Variants in SOX6 observed in about 807,000 individuals in gnomAD.
SOX6 encodes SRY-box transcription factor 6, also known as transcription factor SOX-6.
SOX6 carries 11 observed loss-of-function variants against 97.8 expected under a neutral mutation model. The observed-to-expected ratio is 0.11, with a 90% CI of 0.07 to 0.19. The LOEUF (loss-of-function observed/expected upper bound fraction) is 0.19. Among genes scored for constraint, SOX6 ranks in the 10% least tolerant of loss-of-function variants. SOX6 has a pLI of 1.00. For synonymous variants in SOX6, 360 were observed against 371.4 expected, an observed-to-expected ratio of 0.97 and a Z score of 0.35; for missense variants, 810 against 1,039.5, an observed-to-expected ratio of 0.78 and a Z score of 3.04.
intron 4 of SOX6, among the ~76,000 whole-genome samples, chr11:16,512,512 C>A (rs540322578): frequency 5.4e-4 from 82 of 152,258 alleles, no homozygotes; most frequent in African/African-American, 1.9e-3. Flanking sequence ...AAGAAGCACA[C>A]ACATCTCATT....
chr11:16,602,074 C>T (rs1848277042), intron 4 of SOX6, among the ~76,000 whole-genome samples: 1 of 152,144 alleles, frequency 6.6e-6, no homozygotes, highest in Non-Finnish European at 1.5e-5. Flanking sequence ...ACTATTATAT[C>T]ATTTATATCA....
chr11:16,162,227 A>T (rs2134071324), intron 6 of SOX6, among the ~76,000 whole-genome samples: 1 of 152,322 alleles, frequency 6.6e-6, no homozygotes, highest in East Asian at 1.9e-4. Context: ...GGTTCAGAAT[A>T]TTAAGATATC....
intron 4 of SOX6, among the ~76,000 whole-genome samples, chr11:16,580,527 C>T (rs925692238): frequency 1.3e-5 from 2 of 152,024 alleles, no homozygotes; most frequent in Non-Finnish European, 2.9e-5. Context: ...ACCAAAAAGA[C>T]ACACCCACTT....
intron 1 of SOX6, among the ~76,000 whole-genome samples, chr11:16,406,046 G>A (rs111823942): frequency 1.3e-5 from 2 of 151,840 alleles, no homozygotes; most frequent in South Asian, 4.1e-4. Context: ...GGACTAAATC[G>A]TTCTGTGCCC....
At chr11:16,517,967 C>G (rs1861000222) in intron 4 of SOX6, among the ~76,000 whole-genome samples, 1 of 152,148 alleles carries the variant, frequency 6.6e-6, no homozygotes, top group Non-Finnish European at 1.5e-5. Flanking sequence ...TCTAAACAGC[C>G]TAATTGATAC....
At chr11:16,342,754 C>T (rs1046060471) in intron 1 of SOX6, among the ~76,000 whole-genome samples, 3 of 151,868 alleles carry the variant, frequency 2.0e-5, no homozygotes, top group African/African-American at 7.2e-5. Flanking sequence ...GATTTAGTAT[C>T]CTACAGTGAA....
At position 15,968,845 on chromosome 11, in the gene SOX6, C is replaced by T. The variant is rs1469125142; in HGVS notation, c.*3964G>A. On this transcript the variant is annotated 3_prime_UTR_variant, in exon 16 of 16. Transcript: ENST00000683767. ...GGACAAGGCTGGAGAGTATCAAATA[C>T]CTAATGAAGCAAACCGAGGTGCTTC... 6.6e-6 allele frequency: 1 copy of T among 152,174 alleles called. No homozygotes were observed. The highest frequency in any genetic ancestry group is 1.5e-5 in the Non-Finnish European group (1 of 68,060). The allele number at this position is 152,174 out of a possible 1,614,324, so 9.4% of individuals were successfully genotyped here.
At chr11:16,385,585 C>A (rs1038326842) in intron 1 of SOX6, among the ~76,000 whole-genome samples, 45 of 151,964 alleles carry the variant, frequency 3.0e-4, no homozygotes, top group African/African-American at 9.9e-4. Context: ...TTTAAAAAAT[C>A]TTTTCTTTAT....
intron 4 of SOX6, among the ~76,000 whole-genome samples, chr11:16,581,960 C>CAAAAAAAAAAAAA (rs35137027): frequency 9.4e-6 from 1 of 106,500 alleles, no homozygotes. Flanking sequence ...GACTCCATCT[C>CAAAAAAAAAAAAA]AAAAAAAAAA....
chr11:16,578,104 G>A (rs1847999762), intron 4 of SOX6, among the ~76,000 whole-genome samples: 1 of 152,114 alleles, frequency 6.6e-6, no homozygotes, highest in Non-Finnish European at 1.5e-5. Context: ...TATGGTGTGA[G>A]GAAGGGTCCA....
chr11:16,466,626 G>GA (rs532542109), intron 1 of SOX6, among the ~76,000 whole-genome samples: 249 of 142,014 alleles, frequency 1.8e-3, no homozygotes, highest in African/African-American at 3.9e-3. Context: ...AAAATTACAA[G>GA]AAAAAAAAAA....
chr11:16,436,155 C>T (rs1430076464), intron 1 of SOX6, among the ~76,000 whole-genome samples: 1 of 152,096 alleles, frequency 6.6e-6, no homozygotes, highest in African/African-American at 2.4e-5. Flanking sequence ...ACACGTTTAC[C>T]TATGTAACAA....
chr11:16,659,704 A>G (rs562165509), intron 3 of SOX6, among the ~76,000 whole-genome samples: 169 of 152,282 alleles, frequency 1.1e-3, no homozygotes, highest in Non-Finnish European at 2.1e-3. Flanking sequence ...GTTGAGAATT[A>G]GTATGATTTT....
At chr11:16,380,641 C>A (rs1205864747) in intron 1 of SOX6, among the ~76,000 whole-genome samples, 1 of 151,982 alleles carries the variant, frequency 6.6e-6, no homozygotes, top group Non-Finnish European at 1.5e-5. Flanking sequence ...ATCTCATAAA[C>A]TTATTGGTGT....
At chr11:16,479,913 G>A (rs1860313913), upstream of SOX6, among the ~76,000 whole-genome samples, 1 of 152,012 alleles carries the variant, frequency 6.6e-6, no homozygotes. Flanking sequence ...TAATATGTAT[G>A]TTCACTACAG....
intron 14 of SOX6, among the ~76,000 whole-genome samples, chr11:15,987,566 G>T (rs1460521704): frequency 6.6e-6 from 1 of 152,016 alleles, no homozygotes; most frequent in Non-Finnish European, 1.5e-5. Flanking sequence ...CCCCACAGCT[G>T]CCAAAATGGA....
At chr11:16,022,096 A>G (rs1266937506) in intron 12 of SOX6, among the ~76,000 whole-genome samples, 1 of 152,124 alleles carries the variant, frequency 6.6e-6, no homozygotes, top group Non-Finnish European at 1.5e-5. Flanking sequence ...TGCTCATGCC[A>G]CAAGGGCTTA....
intron 3 of SOX6, chr11:16,314,815 G>C (rs1477662411): frequency 6.6e-6 from 1 of 151,936 alleles, no homozygotes; most frequent in East Asian, 1.9e-4. Context: ...TATCTTTTAC[G>C]CTTATCACTA....
chr11:16,446,112 A>G (rs763203119), intron 1 of SOX6, among the ~76,000 whole-genome samples: 7 of 152,100 alleles, frequency 4.6e-5, no homozygotes, highest in Non-Finnish European at 1.0e-4. Flanking sequence ...AGTAGCACCT[A>G]CCTTACCTAG....
Sources: gnomAD v4.1 joint callset for allele counts (sites outside exome capture counted in the v4.1 genomes callset) on GRCh38, gnomAD v4.1.1 for gene constraint, MANE v1.5 for transcripts, NCBI Gene and HGNC (gene_info 2026-07-23, HGNC 2026-07-21) for gene names.